The following LTBP1 variants were observed in gnomAD, a reference collection of about 807,000 sequenced individuals.
LTBP1 encodes latent transforming growth factor beta binding protein 1.
LTBP1 carries 129 observed loss-of-function variants against 207.6 expected under a neutral mutation model. That is an observed-to-expected ratio of 0.62 (90% CI 0.54 to 0.72). LTBP1 has a LOEUF of 0.72. Among genes scored for constraint, LTBP1 ranks in the 30% least tolerant of loss-of-function variants. LTBP1 has a pLI of 0.00. For synonymous variants in LTBP1, 963 were observed against 833.7 expected, an observed-to-expected ratio of 1.16 and a Z score of -2.67; for missense variants, 2,281 against 2,217.2, an observed-to-expected ratio of 1.03 and a Z score of -0.58.
At chr2:33,353,859 C>CAT (rs777108878) in intron 26 of LTBP1, among the ~76,000 whole-genome samples, 1,207 of 113,134 alleles carry the variant, frequency 0.011, 9 homozygotes, top group Non-Finnish European at 0.018. Context: ...TGCATGTACG[C>CAT]CTTTTTTTTT....
chr2:33,018,600 C>T (rs1688716510), intron 2 of LTBP1, among the ~76,000 whole-genome samples: 1 of 152,068 alleles, frequency 6.6e-6, no homozygotes, highest in South Asian at 2.1e-4. Flanking sequence ...CATGGCTGAG[C>T]AGGGACCCAG....
At position 33,273,883 on chromosome 2, in the gene LTBP1, T is replaced by G. The variant is rs2093370706; in HGVS notation, c.2743+102T>G. On this transcript the variant is annotated intron_variant, in intron 16 of 33. Coordinates refer to ENST00000404816, the MANE Select transcript of LTBP1 (RefSeq NM_206943.4). ...CTTAACCATTTTGGGAAAGTGTTAC[T>G]GGTTTAATTTTTTGAAAGTTTATCC... is the stretch of plus-strand genomic sequence containing the variant. The G allele has an allele frequency of 4.6e-6, 5 of 1,098,280 alleles. No individual in the cohort carries two copies. The African/African-American group carries it at 6.5e-5, about 14-fold the overall frequency. 68.0% of individuals were successfully genotyped at this position (1,098,280 alleles called of 1,614,324 possible). A position where few individuals can be genotyped will look rare whatever the true frequency, so the allele number is the denominator to read the frequency against.
intron 15 of LTBP1, among the ~76,000 whole-genome samples, chr2:33,264,235 G>T (rs1201324189): frequency 1.4e-5 from 2 of 141,910 alleles, no homozygotes; most frequent in African/African-American, 5.3e-5. Flanking sequence ...CAGCCTGGGG[G>T]ACAGAGCGAG....
chr2:33,388,009 C>T (rs1335477244), intron 31 of LTBP1, among the ~76,000 whole-genome samples: 1 of 152,228 alleles, frequency 6.6e-6, no homozygotes, highest in African/African-American at 2.4e-5. Context: ...TCACCAACTG[C>T]TAGATGTATC....
At chr2:33,390,446 G>T (rs909244205) in intron 32 of LTBP1, among the ~76,000 whole-genome samples, 3 of 151,956 alleles carry the variant, frequency 2.0e-5, no homozygotes, top group South Asian at 2.1e-4. Flanking sequence ...TGAGAGCCTC[G>T]TCCACAGCTC....
At chr2:33,333,979 T>A (rs956461646) in intron 24 of LTBP1, among the ~76,000 whole-genome samples, 1 of 152,120 alleles carries the variant, frequency 6.6e-6, no homozygotes, top group African/African-American at 2.4e-5. Context: ...GAGGATATGG[T>A]ACTGTAGAAT....
chr2:33,207,241 T>C (rs1409788411), intron 7 of LTBP1, among the ~76,000 whole-genome samples: 1 of 152,230 alleles, frequency 6.6e-6, no homozygotes, highest in East Asian at 1.9e-4. Flanking sequence ...ATTTTTGCCT[T>C]AGTGTAACTT....
At chr2:33,113,921 A>G (rs1374920166) in intron 4 of LTBP1, among the ~76,000 whole-genome samples, 2 of 152,064 alleles carry the variant, frequency 1.3e-5, no homozygotes, top group Non-Finnish European at 2.9e-5. Context: ...GCTCACCACA[A>G]CCTCTGCCTC....
chr2:33,254,852 G>GTTTTTTTTTTTTTT (rs70938393), intron 11 of LTBP1, among the ~76,000 whole-genome samples: 7 of 10,360 alleles, frequency 6.8e-4, no homozygotes, highest in Non-Finnish European at 8.8e-4. Flanking sequence ...GCGGTGTTTG[G>GTTTTTTTTTTTTTT]TTTTTTTTTT....
At chr2:32,984,488 G>C (rs1289460763) in intron 2 of LTBP1, among the ~76,000 whole-genome samples, 2 of 152,214 alleles carry the variant, frequency 1.3e-5, no homozygotes, top group Non-Finnish European at 2.9e-5. Flanking sequence ...GCAGCAGCTT[G>C]ACCTGGACCT....
At chr2:33,056,231 C>A (rs1435418544) in intron 3 of LTBP1, 72 of 374,018 alleles carry the variant, frequency 1.9e-4, no homozygotes, top group Non-Finnish European at 9.7e-6. Flanking sequence ...TCGAATTGGT[C>A]CCAATAGCTT....
At chr2:33,205,541 G>A (rs934609895) in intron 7 of LTBP1, among the ~76,000 whole-genome samples, 5 of 152,210 alleles carry the variant, frequency 3.3e-5, no homozygotes, top group African/African-American at 1.2e-4. Context: ...GACTTGGGTT[G>A]ATAGTGGTTC....
At chr2:33,291,975 T>A (rs1387530307) in intron 19 of LTBP1, among the ~76,000 whole-genome samples, 1 of 152,244 alleles carries the variant, frequency 6.6e-6, no homozygotes, top group Non-Finnish European at 1.5e-5. Flanking sequence ...TGGCTTAGGC[T>A]TAAGATGCTT....
chr2:33,288,007 G>A (rs1275961793), intron 19 of LTBP1, among the ~76,000 whole-genome samples: 1 of 152,160 alleles, frequency 6.6e-6, no homozygotes, highest in Non-Finnish European at 1.5e-5. Context: ...TGACACATTT[G>A]GGGTAGGGGA....
chr2:33,243,550 T>C (rs958272383), intron 9 of LTBP1, 112 bp from the exon 10 acceptor site: 3 of 948,048 alleles, frequency 3.2e-6, no homozygotes, highest in African/African-American at 3.3e-5. Flanking sequence ...CATCCTTTTT[T>C]CACTATAACT....
At chr2:33,301,154 C>A (rs1183669361) in intron 21 of LTBP1, among the ~76,000 whole-genome samples, 1 of 152,146 alleles carries the variant, frequency 6.6e-6, no homozygotes, top group Non-Finnish European at 1.5e-5. Context: ...CATTGAATTG[C>A]ACACAGAAAT....
intron 9 of LTBP1, among the ~76,000 whole-genome samples, chr2:33,238,531 C>T (rs189443957): frequency 2.0e-5 from 3 of 152,274 alleles, no homozygotes; most frequent in Admixed American, 6.5e-5. Flanking sequence ...ATTTAAACTA[C>T]AAGTAACCTT....
intron 28 of LTBP1, among the ~76,000 whole-genome samples, chr2:33,361,960 T>C (rs1325797501): frequency 6.6e-6 from 1 of 152,192 alleles, no homozygotes; most frequent in East Asian, 1.9e-4. Context: ...TTAGACTTTA[T>C]CCTACTGTTG....
chr2:32,992,184 G>A (rs1299460883), intron 2 of LTBP1, among the ~76,000 whole-genome samples: 1 of 152,126 alleles, frequency 6.6e-6, no homozygotes, highest in African/African-American at 2.4e-5. Context: ...AAGATGACTT[G>A]GTTCCTGCCA....
Sources: allele counts gnomAD v4.1 joint callset (sites outside exome capture counted in the v4.1 genomes callset), GRCh38; gene constraint gnomAD v4.1.1; transcripts MANE v1.5; gene names NCBI Gene and HGNC (gene_info 2026-07-23, HGNC 2026-07-21).